Variants in ZNF765 observed in about 807,000 individuals in gnomAD.
ZNF765 encodes the protein zinc finger protein 765.
A neutral mutation model predicts 44.7 loss-of-function variants in ZNF765; 37 were observed. The observed-to-expected ratio is 0.83, with a 90% confidence interval of 0.64 to 1.09. ZNF765 has a LOEUF of 1.09. Ranked by LOEUF, ZNF765 falls within the 50% of genes least tolerant of loss-of-function variation. ZNF765 has a pLI of 0.00. For missense variants in ZNF765, 594 were observed against 626.1 expected, an observed-to-expected ratio of 0.95 and a Z score of 0.55; for synonymous variants, 201 against 213.7, an observed-to-expected ratio of 0.94 and a Z score of 0.52.
At chr19:53,399,365 T>G (rs1050133070) in intron 2 of ZNF765, among the ~76,000 whole-genome samples, 1 of 151,758 alleles carries the variant, frequency 6.6e-6, no homozygotes. Flanking sequence ...GGCATCTCCC[T>G]TCCCTGTTAC....
At position 53,410,810 on chromosome 19, in the gene ZNF765, TAGG is replaced by T. The variant is rs1226219785; in HGVS notation, c.*1686_*1688del. 12 of 464,350 alleles carry T rather than the reference TAGG, an allele frequency of 2.6e-5. No individual in the cohort carries two copies. The highest frequency in any genetic ancestry group is 3.4e-4 in the Middle Eastern group (1 of 2,962). 28.8% of individuals were successfully genotyped at this position (464,350 alleles called of 1,614,324 possible). ...GTCAAGCTTCATTCTATGCAAAACA[TAGG>T]AGAATTCATACAGGAGAGAAACCTC... On this transcript the variant is annotated 3_prime_UTR_variant, in exon 4 of 4. Coordinates refer to ENST00000396408, the MANE Select transcript of ZNF765 (RefSeq NM_001040185.3).
At chr19:53,407,561 C>G in intron 3 of ZNF765, 137 bp from the exon 4 acceptor site, 1 of 557,198 alleles carries the variant, frequency 1.8e-6, no homozygotes, top group Non-Finnish European at 2.9e-6. Context: ...GAATCTTATG[C>G]TTTTCTGTTC....
chr19:53,423,506 A>G, exon 4 of ZNF765: 1 of 414,318 alleles, frequency 2.4e-6, no homozygotes, highest in South Asian at 2.0e-5. Context: ...CCTCCTGGTG[A>G]GCACGTTTGT....
Position 53,408,010 on chromosome 19 carries a change from A to G in ZNF765, c.455A>G (p.His152Arg), listed in dbSNP as rs2085792530. Residue 152 changes from histidine (H) to arginine (R), a missense_variant, in exon 4 of 4, where the codon CAC (histidine) becomes CGC (arginine). Transcript: ENST00000396408. ...TTTCATTCGCATCTGCCTGAACTGC[A>G]CATATTTCACACTGAAGAGAAAATT... ...FSFHSHLPEL[H>R]IFHTEEKIDN... The G allele has an allele frequency of 6.2e-7, 1 of 1,614,090 alleles. No individual in the cohort carries two copies. The highest frequency in any genetic ancestry group is 1.3e-5 in the African/African-American group (1 of 74,940).
In ZNF765 at chr19:53,408,864, C is replaced by T. The variant is rs1237556389; in HGVS notation, c.1309C>T (p.Pro437Ser). ...TTGTAGACTTCATAGTGGAGAGAAACCTTACAAATGTGAAGAATGTGACAA... is the reference window on the plus strand; with the variant it reads ...TTGTAGACTTCATAGTGGAGAGAAATCTTACAAATGTGAAGAATGTGACAA... ...NICRLHSGEK[P>S]YKCEECDKAY... The change falls in exon 4 of 4, where the codon CCT becomes TCT. Residue 437 changes from proline (P) to serine (S), a missense_variant. Coordinates refer to ENST00000396408, the MANE Select transcript of ZNF765 (RefSeq NM_001040185.3). The T allele has an allele frequency of 6.2e-7, 1 of 1,613,782 alleles. No homozygotes were observed. Among genetic ancestry groups the T allele is most frequent in the East Asian group, 2.2e-5 (1 of 44,804 alleles).
In ZNF765 at chr19:53,408,714, G is replaced by A. The variant is rs779519076; in HGVS notation, c.1159G>A (p.Glu387Lys). The A allele has an allele frequency of 2.0e-6, 3 of 1,533,968 alleles. No homozygotes were observed. Among genetic ancestry groups the A allele is most frequent in the Non-Finnish European group, 2.7e-6 (3 of 1,129,424 alleles). Residue 387 changes from glutamate (E) to lysine (K), a missense_variant, in exon 4 of 4, where the codon GAG becomes AAG. Glu to Lys is a moderately conservative substitution (Grantham distance 56). Coordinates refer to ENST00000396408, the MANE Select transcript of ZNF765 (RefSeq NM_001040185.3). Reference protein sequence around the residue: ...HTGEKPYKCNECSKTFSHKSS... With the variant: ...HTGEKPYKCNKCSKTFSHKSS... ...TGGAGAGAAACCTTACAAGTGTAAT[G>A]AGTGTAGCAAGACCTTTAGTCACAA...
chr19:53,407,752 G>A lies in ZNF765; in HGVS notation c.197G>A (p.Arg66Lys). ...TTCTCGTCAACAGCACAAGGCAATA[G>A]AGAAGTGTTCCATGCAGGGACATCT... ...KEFSSTAQGN[R>K]EVFHAGTSQR... The change falls in exon 4 of 4, where the codon AGA becomes AAA. Residue 66 changes from arginine to lysine, a missense_variant. By Grantham distance (26) the Arg-to-Lys change is conservative. Transcript: ENST00000396408. 2 of 1,597,390 alleles carry A rather than the reference G, an allele frequency of 1.3e-6. No homozygotes were observed. Among genetic ancestry groups the A allele is most frequent in the Non-Finnish European group, 1.7e-6 (2 of 1,172,898 alleles).
At chr19:53,403,661 T>C (rs1433763036) in intron 3 of ZNF765, among the ~76,000 whole-genome samples, 5 of 152,188 alleles carry the variant, frequency 3.3e-5, no homozygotes, top group Non-Finnish European at 7.3e-5. Context: ...CTGCCTAACA[T>C]GGCGAAACTC....
downstream of ZNF765, among the ~76,000 whole-genome samples, chr19:53,416,105 C>T (rs1369994592): frequency 6.6e-6 from 1 of 152,122 alleles, no homozygotes; most frequent in African/African-American, 2.4e-5. Context: ...CAGGCGTGCA[C>T]CACCGTGCTG....
chr19:53,407,541 A>C (rs2085786714), intron 3 of ZNF765, among the ~76,000 whole-genome samples, 157 bp from the exon 4 acceptor site: 1 of 152,140 alleles, frequency 6.6e-6, no homozygotes, highest in Non-Finnish European at 1.5e-5. Context: ...ATCGCCCTTT[A>C]TTTGTTAAAG....
At chr19:53,412,582 T>C (rs2085842007), downstream of ZNF765, among the ~76,000 whole-genome samples, 1 of 152,126 alleles carries the variant, frequency 6.6e-6, no homozygotes, top group South Asian at 2.1e-4. Context: ...AGACATAAGT[T>C]TGAAAAGAGA....
chr19:53,414,601 A>G (rs894034331), downstream of ZNF765, among the ~76,000 whole-genome samples: 2 of 149,228 alleles, frequency 1.3e-5, no homozygotes, highest in African/African-American at 2.5e-5. Flanking sequence ...TGCAAATCCC[A>G]TTCTTTTCTG....
chr19:53,399,124 G>A (rs2085697928), intron 2 of ZNF765, among the ~76,000 whole-genome samples: 3 of 151,498 alleles, frequency 2.0e-5, no homozygotes, highest in Non-Finnish European at 4.4e-5. Context: ...TAGGGTACAT[G>A]TGCACAATGT....
downstream of ZNF765, among the ~76,000 whole-genome samples, chr19:53,412,386 T>C (rs1443185470): frequency 6.6e-6 from 1 of 152,240 alleles, no homozygotes; most frequent in Non-Finnish European, 1.5e-5. Flanking sequence ...CTTGAATATC[T>C]ACAATCCTTT....
intron 3 of ZNF765, among the ~76,000 whole-genome samples, chr19:53,406,686 G>C (rs1295611337): frequency 6.6e-6 from 1 of 152,164 alleles, no homozygotes; most frequent in African/African-American, 2.4e-5. Flanking sequence ...AGGCTGAGGT[G>C]GCTGGATCAC....
In ZNF765 at chr19:53,410,673, C is replaced by A. The variant is rs2085825379; in HGVS notation, c.*1546C>A. On this transcript the variant is annotated 3_prime_UTR_variant, in exon 4 of 4. Transcript: ENST00000396408. The stretch of plus-strand genomic sequence containing the variant: ...GAATCCATAATGAAGAGAGATCATA[C>A]TAGTTTAATAAATTTGGCAAATTTT... 1 of 470,804 alleles carries A rather than the reference C, an allele frequency of 2.1e-6. No individual in the cohort carries two copies. Among genetic ancestry groups the A allele is most frequent in the Admixed American group, 2.4e-5 (1 of 42,490 alleles). The allele number at this position is 470,804 out of a possible 1,614,324, so 29.2% of individuals were successfully genotyped here.
chr19:53,401,117 C>T (rs1007124237), intron 2 of ZNF765, among the ~76,000 whole-genome samples: 4 of 152,002 alleles, frequency 2.6e-5, no homozygotes, highest in African/African-American at 9.7e-5. Context: ...TCTCCTGCAT[C>T]AGCCTCCCAG....
intron 1 of ZNF765, among the ~76,000 whole-genome samples, chr19:53,395,703 T>C (rs1325170639): frequency 3.3e-5 from 5 of 152,212 alleles, no homozygotes; most frequent in Admixed American, 1.3e-4. Context: ...CCACAGTCAC[T>C]GCTTTCCCTG....
At chr19:53,416,062 C>T (rs34318565), downstream of ZNF765, among the ~76,000 whole-genome samples, 65 of 151,940 alleles carry the variant, frequency 4.3e-4, 1 homozygote, top group Non-Finnish European at 8.8e-5. Context: ...TAAAGTGATT[C>T]TCCTGCCTCA....
Sources: gnomAD v4.1 joint callset for allele counts (sites outside exome capture counted in the v4.1 genomes callset) on GRCh38, gnomAD v4.1.1 for gene constraint, MANE v1.5 for transcripts, NCBI Gene and HGNC (gene_info 2026-07-23, HGNC 2026-07-21) for gene names.